Variants in WDPCP observed in about 807,000 individuals in gnomAD.
WDPCP encodes WD repeat-containing and planar cell polarity effector protein fritz homolog.
Under a neutral mutation model 93.1 loss-of-function variants are expected in WDPCP, and 71 were observed. That is an observed-to-expected ratio of 0.76 (90% CI 0.63 to 0.93). The LOEUF is 0.93. Among genes scored for constraint, WDPCP ranks in the 40% least tolerant of loss-of-function variants. The pLI, the probability that WDPCP is intolerant of heterozygous loss-of-function variation, is 0.00. For synonymous variants in WDPCP, 315 were observed against 315.0 expected (o/e 1.00, Z 0.00); for missense variants, 844 against 887.4 (o/e 0.95, Z 0.62).
At chr2:63,125,669 G>A (rs1375710940) in intron 17 of WDPCP, among the ~76,000 whole-genome samples, 1 of 150,688 alleles carries the variant, frequency 6.6e-6, no homozygotes, top group African/African-American at 2.4e-5. Context: ...GTGCAGTGGC[G>A]TGATCTCGGC....
At chr2:63,180,321 A>G (rs543712253) in intron 14 of WDPCP, among the ~76,000 whole-genome samples, 1 of 152,226 alleles carries the variant, frequency 6.6e-6, no homozygotes, top group Admixed American at 6.5e-5. Context: ...GTACCCATTA[A>G]TTTATTTCTC....
intron 13 of WDPCP, among the ~76,000 whole-genome samples, chr2:63,303,955 C>A (rs1685523545): frequency 8.2e-6 from 1 of 122,604 alleles, no homozygotes. Context: ...CTCAGAATGG[C>A]TATTAGTAAA....
intron 17 of WDPCP, among the ~76,000 whole-genome samples, chr2:63,139,063 G>A (rs1277293319): frequency 6.6e-6 from 1 of 152,070 alleles, no homozygotes; most frequent in Non-Finnish European, 1.5e-5. Flanking sequence ...GTACTCCACT[G>A]TGTATGTATG....
intron 2 of WDPCP, among the ~76,000 whole-genome samples, chr2:63,657,972 C>T (rs1188905420): frequency 6.6e-6 from 1 of 152,094 alleles, no homozygotes; most frequent in Non-Finnish European, 1.5e-5. Context: ...ATCAAAGTTG[C>T]CTTCCTAACT....
chr2:63,502,557 T>A (rs1325089151), intron 1 of WDPCP, among the ~76,000 whole-genome samples: 1 of 152,216 alleles, frequency 6.6e-6, no homozygotes, highest in Non-Finnish European at 1.5e-5. Context: ...CATTTTTCCA[T>A]TCATTAATGA....
chr2:63,240,109 T>G (rs1186138703), intron 14 of WDPCP, among the ~76,000 whole-genome samples: 1 of 152,176 alleles, frequency 6.6e-6, no homozygotes, highest in African/African-American at 2.4e-5. Flanking sequence ...AAAAAGGGAC[T>G]GTTGAAGTGT....
chr2:63,581,163 G>C (rs1708471562), intron 1 of WDPCP, among the ~76,000 whole-genome samples: 1 of 152,200 alleles, frequency 6.6e-6, no homozygotes, highest in Non-Finnish European at 1.5e-5. Flanking sequence ...AGCTGTCTTA[G>C]AGCTTAGTTC....
chr2:63,706,007 A>C (rs1016408356), intron 2 of WDPCP, among the ~76,000 whole-genome samples: 2 of 152,160 alleles, frequency 1.3e-5, no homozygotes. Context: ...TATATTTAGA[A>C]TAGTTAGTTC....
At chr2:63,195,867 A>G (rs1019777914) in intron 14 of WDPCP, among the ~76,000 whole-genome samples, 37 of 152,228 alleles carry the variant, frequency 2.4e-4, no homozygotes, top group Admixed American at 6.5e-5. Flanking sequence ...ATCAAAAGAA[A>G]TGTTAACAAA....
chr2:63,528,936 A>T (rs969954751), intron 1 of WDPCP, among the ~76,000 whole-genome samples: 8 of 152,046 alleles, frequency 5.3e-5, no homozygotes, highest in Admixed American at 2.0e-4. Flanking sequence ...TCACATCCCT[A>T]GTAAGTTGGA....
chr2:63,454,097 A>G (rs1292439779), intron 6 of WDPCP, among the ~76,000 whole-genome samples: 1 of 151,524 alleles, frequency 6.6e-6, no homozygotes, highest in Admixed American at 6.6e-5. Context: ...CTAGAACTTA[A>G]AGTATAATAA....
chr2:63,384,625 C>T (rs1024027770), intron 10 of WDPCP, among the ~76,000 whole-genome samples: 6 of 151,894 alleles, frequency 4.0e-5, no homozygotes, highest in Middle Eastern at 3.2e-3. Context: ...GTGGCATACA[C>T]CTATTGTCCC....
the WDPCP span, among the ~76,000 whole-genome samples, chr2:63,837,785 T>G: frequency 6.6e-6 from 1 of 152,230 alleles, no homozygotes; most frequent in Non-Finnish European, 1.5e-5. Context: ...AATATAAACT[T>G]TTTATGTTTT....
chr2:63,833,202 G>T, the WDPCP span, among the ~76,000 whole-genome samples: 8 of 152,160 alleles, frequency 5.3e-5, no homozygotes, highest in Admixed American at 1.3e-4. Context: ...GCAGTGAGCT[G>T]AGGCTATGCC....
At chr2:63,342,844 T>C (rs1688941783) in intron 12 of WDPCP, among the ~76,000 whole-genome samples, 2 of 152,206 alleles carry the variant, frequency 1.3e-5, no homozygotes, top group Admixed American at 6.5e-5. Context: ...TTCTATGGCT[T>C]TGAGTTACTG....
intron 2 of WDPCP, among the ~76,000 whole-genome samples, chr2:63,810,361 C>G (rs758479251): frequency 1.3e-5 from 2 of 152,144 alleles, no homozygotes; most frequent in Non-Finnish European, 2.9e-5. Flanking sequence ...TAAAAAGATA[C>G]AGGCATATAA....
intron 14 of WDPCP, among the ~76,000 whole-genome samples, chr2:63,199,802 G>A (rs1274076418): frequency 1.3e-5 from 2 of 152,188 alleles, no homozygotes; most frequent in African/African-American, 2.4e-5. Flanking sequence ...TGAGAAGTGG[G>A]CCATCATCCC....
At chr2:63,562,381 G>A (rs1706693921) in intron 1 of WDPCP, among the ~76,000 whole-genome samples, 1 of 152,162 alleles carries the variant, frequency 6.6e-6, no homozygotes, top group Non-Finnish European at 1.5e-5. Flanking sequence ...CGGGGGTTGT[G>A]GTGGGAGGGA....
chr2:63,746,595 CA>C lies in WDPCP; in HGVS notation n.308+67026del, dbSNP rs920100542. Among the ~76,000 whole-genome samples, 23 of 152,178 alleles carry C rather than the reference CA, an allele frequency of 1.5e-4. 1 individual carries two copies. Among genetic ancestry groups the C allele is most frequent in the South Asian group, 8.3e-4 (4 of 4,826 alleles). On this transcript the variant is annotated intron_variant and non_coding_transcript_variant, in intron 2 of 4. Transcript: ENST00000467687. ...CAGCCCTGGGAAAAGAATGCATTCC[CA>C]GGGGGGGCCTCTAAAATGGCCACCC...
Sources: allele counts gnomAD v4.1 joint callset (sites outside exome capture counted in the v4.1 genomes callset), GRCh38; gene constraint gnomAD v4.1.1; transcripts MANE v1.5; gene names NCBI Gene and HGNC (gene_info 2026-07-23, HGNC 2026-07-21).